The following KCNMA1 variants were observed in gnomAD, a reference collection of about 807,000 sequenced individuals.
KCNMA1 encodes Calcium-activated potassium channel subunit alpha-1.
KCNMA1 carries 29 observed loss-of-function variants against 140.0 expected under a neutral mutation model. The observed-to-expected ratio is 0.21, with a 90% CI of 0.15 to 0.28. The LOEUF (loss-of-function observed/expected upper bound fraction) is 0.28, where lower values mean the gene tolerates loss of function less well. KCNMA1 is among the 10% of genes least tolerant of loss of function. The pLI is 1.00. For missense variants in KCNMA1, 880 were observed against 1,602.2 expected (o/e 0.55, Z 7.70); for synonymous variants, 612 against 611.9 (o/e 1.00, Z 0.00).
chr10:77,037,360 A>G (rs969283462), intron 15 of KCNMA1, among the ~76,000 whole-genome samples: 1 of 152,246 alleles, frequency 6.6e-6, no homozygotes, highest in Non-Finnish European at 1.5e-5. Context: ...CAGGTCTTGC[A>G]TTGTCACATT....
At chr10:77,425,509 T>C (rs2096965254) in intron 1 of KCNMA1, among the ~76,000 whole-genome samples, 1 of 152,066 alleles carries the variant, frequency 6.6e-6, no homozygotes, top group South Asian at 2.1e-4. Flanking sequence ...GGCATGCAGC[T>C]GAGGGGCCCT....
chr10:77,314,812 C>T (rs1051743100), intron 2 of KCNMA1, among the ~76,000 whole-genome samples: 1 of 152,180 alleles, frequency 6.6e-6, no homozygotes, highest in East Asian at 1.9e-4. Flanking sequence ...CCTGCCCTCT[C>T]GTCTGTGAAT....
At chr10:77,567,149 T>C (rs887540782) in intron 1 of KCNMA1, among the ~76,000 whole-genome samples, 2 of 152,176 alleles carry the variant, frequency 1.3e-5, no homozygotes, top group East Asian at 1.9e-4. Flanking sequence ...ATGTAACAGA[T>C]TGGGCCCTGA....
chr10:77,466,477 G>A (rs1163806365), intron 1 of KCNMA1, among the ~76,000 whole-genome samples: 2 of 152,202 alleles, frequency 1.3e-5, no homozygotes, highest in Non-Finnish European at 2.9e-5. Context: ...GAGTGCAATA[G>A]TGAAATAGGC....
intron 2 of KCNMA1, among the ~76,000 whole-genome samples, chr10:77,286,729 T>G (rs1427813840): frequency 6.9e-6 from 1 of 145,718 alleles, no homozygotes; most frequent in Non-Finnish European, 1.5e-5. Flanking sequence ...TCCGTAAGTC[T>G]TTGCAAATTT....
chr10:77,108,754 A>G lies in KCNMA1; in HGVS notation c.1132-182T>C, dbSNP rs2097252792. Reference sequence around the variant, plus strand: ...GAAGAGAGCAAGCTCCCAGAAATACACAAGACAAACAAACATTGGCCACCT... The same window carrying G: ...GAAGAGAGCAAGCTCCCAGAAATACGCAAGACAAACAAACATTGGCCACCT... On this transcript the variant is annotated intron_variant, in intron 8 of 27. Transcript: ENST00000286628. This position sits in a 1 kb window ranked among gnomAD's most constrained non-coding sequence, Gnocchi z 4.6. 6.6e-6 allele frequency among the ~76,000 whole-genome samples: 1 copy of G among 152,248 alleles called. No individual in the cohort carries two copies. Among genetic ancestry groups the G allele is most frequent in the Admixed American group, 6.5e-5 (1 of 15,288 alleles).
intron 19 of KCNMA1, among the ~76,000 whole-genome samples, chr10:76,988,204 G>A (rs914281443): frequency 4.6e-5 from 7 of 152,162 alleles, no homozygotes; most frequent in African/African-American, 1.4e-4. Context: ...CAGGTCTGCT[G>A]AAAGAAAGGG....
chr10:77,211,823 A>AAC (rs1467960427), intron 3 of KCNMA1, among the ~76,000 whole-genome samples: 1 of 152,212 alleles, frequency 6.6e-6, no homozygotes, highest in Non-Finnish European at 1.5e-5. Flanking sequence ...AAGACATACA[A>AAC]GTGGCTAACA....
chr10:76,893,601 A>T lies in KCNMA1; in HGVS notation c.3148-1882T>A, dbSNP rs143935944. ...CTAAAAATAAAAAAATTAGCTAGGC[A>T]TGGTGGCGGGCACCTGTAATCCCAG... On this transcript the variant is annotated intron_variant, in intron 25 of 27. Coordinates refer to ENST00000286628, the MANE Select transcript of KCNMA1 (RefSeq NM_001161352.2). Among the ~76,000 whole-genome samples the T allele has an allele frequency of 8.4e-3, 1,280 of 152,128 alleles. 24 individuals are homozygous for T. The highest frequency in any genetic ancestry group is 0.03 in the African/African-American group (1,233 of 41,514).
intron 1 of KCNMA1, among the ~76,000 whole-genome samples, chr10:77,526,112 G>A (rs549496213): frequency 2.6e-5 from 4 of 152,268 alleles, no homozygotes; most frequent in African/African-American, 7.2e-5. Context: ...GCTATCTTGC[G>A]GCCATGAGAG....
At chr10:77,203,986 C>T (rs1282663484) in intron 3 of KCNMA1, among the ~76,000 whole-genome samples, 1 of 151,528 alleles carries the variant, frequency 6.6e-6, no homozygotes, top group Non-Finnish European at 1.5e-5. Flanking sequence ...ATCCCAGCTA[C>T]TTGGGAGACT....
chr10:77,271,965 T>A (rs780783467), intron 2 of KCNMA1, among the ~76,000 whole-genome samples: 2 of 152,224 alleles, frequency 1.3e-5, no homozygotes, highest in Non-Finnish European at 2.9e-5. Context: ...TTATTTCTCC[T>A]TATTCAGGTC....
intron 24 of KCNMA1, 108 bp downstream of exon 24, chr10:76,914,828 T>C: frequency 1.2e-6 from 1 of 829,730 alleles, no homozygotes; most frequent in Non-Finnish European, 2.1e-6. Flanking sequence ...ACAAACCCCA[T>C]AGCAGCTACA....
At chr10:77,212,506 C>T (rs2046406281) in intron 3 of KCNMA1, among the ~76,000 whole-genome samples, 2 of 152,060 alleles carry the variant, frequency 1.3e-5, no homozygotes, top group South Asian at 4.1e-4. Flanking sequence ...ATGCTCGCTA[C>T]CTGGGTGCAA....
intron 2 of KCNMA1, among the ~76,000 whole-genome samples, chr10:77,283,979 G>A (rs1263967979): frequency 6.6e-6 from 1 of 152,194 alleles, no homozygotes; most frequent in African/African-American, 2.4e-5. Context: ...AAAGGCGTGT[G>A]CTGTGGGAAA....
At chr10:77,609,682 C>CATGT (rs1468269054) in intron 1 of KCNMA1, among the ~76,000 whole-genome samples, 1 of 151,976 alleles carries the variant, frequency 6.6e-6, no homozygotes, top group East Asian at 1.9e-4. Flanking sequence ...TTCAAAACAA[C>CATGT]ATGTTGTATA....
chr10:77,136,070 C>G (rs2248277), intron 5 of KCNMA1, among the ~76,000 whole-genome samples: 131,043 of 152,272 alleles, frequency 0.86, 56,457 homozygotes, highest in East Asian at 0.91. Flanking sequence ...CTTATAATTC[C>G]ATTGTGGAAT....
At chr10:77,245,711 C>G (rs1471852372) in intron 3 of KCNMA1, among the ~76,000 whole-genome samples, 1 of 152,166 alleles carries the variant, frequency 6.6e-6, no homozygotes, top group Non-Finnish European at 1.5e-5. Flanking sequence ...CAGCATTTCT[C>G]ATATCTATTT....
rs35688651 is a variant in KCNMA1 at position 77,416,323 on chromosome 10, G to C, written c.379-12300C>G. Among the ~76,000 whole-genome samples the C allele has an allele frequency of 5.2e-3, 799 of 152,278 alleles. 6 individuals carry two copies. Among genetic ancestry groups the C allele is most frequent in the Admixed American group, 0.011 (168 of 15,288 alleles). On this transcript the variant is annotated intron_variant, in intron 1 of 27. Transcript: ENST00000286628. ...CTGCTGGCCCACACAATAGGGGAAA[G>C]GGGAAGGCAAGCATTTTCAGAGCTC...
Sources: allele counts gnomAD v4.1 joint callset (sites outside exome capture counted in the v4.1 genomes callset), GRCh38; gene constraint gnomAD v4.1.1; non-coding constraint Gnocchi (gnomAD v3.1); transcripts MANE v1.5; gene names NCBI Gene and HGNC (gene_info 2026-07-23, HGNC 2026-07-21).